Variants in DCLK3 observed in about 807,000 individuals in gnomAD.
DCLK3 encodes doublecortin like kinase 3.
Under a neutral mutation model 46.4 loss-of-function variants are expected in DCLK3, and 30 were observed. That is an observed-to-expected ratio of 0.65 (90% CI 0.48 to 0.88). DCLK3 has a LOEUF of 0.88. Ranked by LOEUF, DCLK3 falls within the 40% of genes least tolerant of loss-of-function variation. DCLK3 has a pLI of 0.00. For missense variants in DCLK3, 846 were observed against 907.1 expected, an observed-to-expected ratio of 0.93 and a Z score of 0.87; for synonymous variants, 401 against 339.2, an observed-to-expected ratio of 1.18 and a Z score of -2.00.
chr3:36,732,174 A>G (rs1701207061), intron 2 of DCLK3, among the ~76,000 whole-genome samples: 2 of 152,234 alleles, frequency 1.3e-5, no homozygotes, highest in South Asian at 4.1e-4. Flanking sequence ...ATAAATAGGA[A>G]CCATGCTTTA....
chr3:36,752,428 G>A (rs1015042863), intron 1 of DCLK3, among the ~76,000 whole-genome samples: 3 of 152,064 alleles, frequency 2.0e-5, no homozygotes, highest in South Asian at 4.1e-4. Flanking sequence ...CTGCTTCTAG[G>A]GAAACCAGAC....
chr3:36,726,102 GA>G (rs1701122212), intron 2 of DCLK3, among the ~76,000 whole-genome samples: 1 of 152,064 alleles, frequency 6.6e-6, no homozygotes, highest in Non-Finnish European at 1.5e-5. Context: ...AATTTCACAT[GA>G]AAAACCAAAC....
chr3:36,736,215 A>G (rs1701260685), intron 2 of DCLK3, among the ~76,000 whole-genome samples: 2 of 152,200 alleles, frequency 1.3e-5, no homozygotes. Flanking sequence ...GGGAGGATTC[A>G]TGAAAGCAGG....
intron 2 of DCLK3, among the ~76,000 whole-genome samples, chr3:36,729,313 T>C (rs1701167000): frequency 6.6e-6 from 1 of 150,850 alleles, no homozygotes; most frequent in East Asian, 2.0e-4. Context: ...CACATCTCCC[T>C]GTATCTCTTT....
chr3:36,738,763 G>A lies in DCLK3; in HGVS notation c.404C>T (p.Ser135Phe). 3.1e-6 allele frequency: 4 copies of A among 1,280,830 alleles called. No homozygotes were observed. The highest frequency in any genetic ancestry group is 4.0e-6 in the Non-Finnish European group (4 of 1,002,966). 79.3% of individuals were successfully genotyped at this position (1,280,830 alleles called of 1,614,324 possible). Residue 135 changes from serine to phenylalanine, a missense_variant, in exon 2 of 5, where the codon TCT (serine) becomes TTT (phenylalanine). By Grantham distance (155) the Ser-to-Phe change is radical (BLOSUM62 -2). Coordinates refer to ENST00000636136, the MANE Select transcript of DCLK3 (RefSeq NM_001394672.2). ...CACACGGTCATTCTTCCATCTGGGA[G>A]AGCCCAAGGCTTCTGAGATGTCAGC... ...LLADISEALG[S>F]PRWKNDRVRK...
Position 36,764,330 on chromosome 3 carries a change from C to G in DCLK3, c.-67G>C, listed in dbSNP as rs1419031490. 3.8e-5 allele frequency: 8 copies of G among 209,734 alleles called. No homozygotes were observed. The highest frequency in any genetic ancestry group is 6.6e-5 in the Non-Finnish European group (7 of 106,374). The allele number at this position is 209,734 out of a possible 1,614,324, so 13.0% of individuals were successfully genotyped here. ...CAGCGCGGGGACGCGGCTCGACGGT[C>G]GAGCAGGCGCGGGAAGGCGGGGCGA... On this transcript the variant is annotated 5_prime_UTR_variant, in exon 1 of 5. Coordinates refer to ENST00000636136, the MANE Select transcript of DCLK3 (RefSeq NM_001394672.2). This position sits in a 1 kb window ranked among gnomAD's most constrained non-coding sequence, Gnocchi z 4.9.
intron 1 of DCLK3, among the ~76,000 whole-genome samples, chr3:36,743,688 A>C (rs1235128956): frequency 6.6e-6 from 1 of 152,190 alleles, no homozygotes; most frequent in Non-Finnish European, 1.5e-5. Flanking sequence ...CCTCAATGCC[A>C]ATCTAACCCC....
chr3:36,741,401 T>C (rs1232448602), intron 1 of DCLK3, among the ~76,000 whole-genome samples: 2 of 152,166 alleles, frequency 1.3e-5, no homozygotes, highest in Non-Finnish European at 2.9e-5. Flanking sequence ...TTTTAGCCTA[T>C]ATCCTGGACT....
rs1232219289 is a variant in DCLK3 at position 36,764,015 on chromosome 3, C to T, written c.82+167G>A. 6.6e-6 allele frequency among the ~76,000 whole-genome samples: 1 copy of T among 152,208 alleles called. No individual in the cohort carries two copies. The highest frequency in any genetic ancestry group is 1.5e-5 in the Non-Finnish European group (1 of 68,030). ...TTACACACACGTACACACACATACACACGTACACACACATACACACACACA... is the reference window on the plus strand; with the variant it reads ...TTACACACACGTACACACACATACATACGTACACACACATACACACACACA... On this transcript the variant is annotated intron_variant, in intron 1 of 4. Transcript: ENST00000636136. This position sits in a 1 kb window ranked among gnomAD's most constrained non-coding sequence, Gnocchi z 4.9.
At chr3:36,732,978 G>A (rs1701218392) in intron 2 of DCLK3, among the ~76,000 whole-genome samples, 1 of 152,202 alleles carries the variant, frequency 6.6e-6, no homozygotes, top group Admixed American at 6.5e-5. Context: ...GAATGAGCAG[G>A]AAGTGTGGCC....
At chr3:36,725,036 C>T (rs1271465215) in intron 2 of DCLK3, among the ~76,000 whole-genome samples, 3 of 151,460 alleles carry the variant, frequency 2.0e-5, no homozygotes, top group South Asian at 2.1e-4. Context: ...AAAAATGGGC[C>T]GGGCTCGGTG....
Position 36,737,597 on chromosome 3 carries a change from G to T in DCLK3, c.1570C>A (p.His524Asn). The part of the protein sequence containing the change: ...MGIIAANVEK[H>N]YETGRVIGDG... ...CCAATGACCCGGCCAGTCTCATAATGCTTTTCCACATTGGCGGCAATGATG... is the reference window on the plus strand; with the variant it reads ...CCAATGACCCGGCCAGTCTCATAATTCTTTTCCACATTGGCGGCAATGATG... The change falls in exon 2 of 5, where the codon CAT becomes AAT. Residue 524 changes from histidine (H) to asparagine (N), a missense_variant. Around this residue, in one of 3 missense-constraint regions of DCLK3, gnomAD observed 553 missense variants for 543.0 expected, o/e 1.02. Coordinates refer to ENST00000636136, the MANE Select transcript of DCLK3 (RefSeq NM_001394672.2). This position sits in a 1 kb window ranked among gnomAD's most constrained non-coding sequence, Gnocchi z 4.4. 3 of 1,614,108 alleles carry T rather than the reference G, an allele frequency of 1.9e-6. No homozygotes were observed. The highest frequency in any genetic ancestry group is 2.5e-6 in the Non-Finnish European group (3 of 1,180,032).
intron 1 of DCLK3, among the ~76,000 whole-genome samples, chr3:36,752,578 T>C (rs1701451290): frequency 6.6e-6 from 1 of 152,178 alleles, no homozygotes; most frequent in South Asian, 2.1e-4. Context: ...AGGCATATAA[T>C]TACCCAGAGG....
chr3:36,723,717 T>C (rs922501176), intron 2 of DCLK3, among the ~76,000 whole-genome samples: 14 of 152,136 alleles, frequency 9.2e-5, no homozygotes, highest in African/African-American at 3.1e-4. Flanking sequence ...AAGTCAAGAA[T>C]TGGGGTTTAG....
chr3:36,738,376 C>G lies in DCLK3; in HGVS notation c.791G>C (p.Trp264Ser), dbSNP rs1407989848. ...LDDRARTQKK[W>S]GRGKWEPEPS... ...TTCTGGCTCCCATTTCCCCCTCCCC[C>G]ACTTCTTCTGGGTCCTCGCTCTGTC... The change falls in exon 2 of 5, where the codon TGG becomes TCG. Residue 264 changes from tryptophan to serine, a missense_variant. By Grantham distance (177) the Trp-to-Ser change is radical. Transcript: ENST00000636136. 11 of 1,500,990 alleles carry G rather than the reference C, an allele frequency of 7.3e-6. No individual in the cohort carries two copies. Among genetic ancestry groups the G allele is most frequent in the Admixed American group, 4.8e-5 (2 of 41,438 alleles). 93.0% of individuals were successfully genotyped at this position (1,500,990 alleles called of 1,614,324 possible). A position where few individuals can be genotyped will look rare whatever the true frequency, so the allele number is the denominator to read the frequency against.
At chr3:36,725,575 C>A (rs1701117124) in intron 2 of DCLK3, among the ~76,000 whole-genome samples, 1 of 152,192 alleles carries the variant, frequency 6.6e-6, no homozygotes, top group Non-Finnish European at 1.5e-5. Context: ...CATGATTGCA[C>A]CACTGCACTC....
chr3:36,754,405 C>T (rs7624436), intron 1 of DCLK3, among the ~76,000 whole-genome samples: 114,440 of 152,108 alleles, frequency 0.75, 43,469 homozygotes, highest in Middle Eastern at 0.86. Context: ...CTGTTAGGGA[C>T]GTAGTCACCT....
rs1412012181 is a variant in DCLK3, at chr3:36,738,287, G to A, written c.880C>T (p.Leu294Phe). 10 of 1,526,292 alleles carry A rather than the reference G, an allele frequency of 6.6e-6. No homozygotes were observed. Among genetic ancestry groups the A allele is most frequent in the Non-Finnish European group, 8.8e-6 (10 of 1,139,324 alleles). The allele number at this position is 1,526,292 out of a possible 1,614,324, so 94.5% of individuals were successfully genotyped here. The change falls in exon 2 of 5, where the codon CTT becomes TTT. Residue 294 changes from leucine (L) to phenylalanine (F), a missense_variant. Coordinates refer to ENST00000636136, the MANE Select transcript of DCLK3 (RefSeq NM_001394672.2). The part of the protein sequence containing the change: ...EERHARGEKH[L>F]GVEIEKTSGE... ...GAGGTCTTTTCAATCTCCACCCCAA[G>A]ATGCTTCTCTCCCCTTGCGTGCCTC...
intron 1 of DCLK3, among the ~76,000 whole-genome samples, chr3:36,757,092 A>G (rs1344728213): frequency 6.6e-6 from 1 of 152,118 alleles, no homozygotes; most frequent in Non-Finnish European, 1.5e-5. Context: ...TTTATACAAA[A>G]AGTAAATACC....
Sources: allele counts gnomAD v4.1 joint callset (sites outside exome capture counted in the v4.1 genomes callset), GRCh38; gene constraint gnomAD v4.1.1; regional missense constraint gnomAD v4.1.1; non-coding constraint Gnocchi (gnomAD v3.1); transcripts MANE v1.5; gene names NCBI Gene and HGNC (gene_info 2026-07-23, HGNC 2026-07-21).